CDH18: variants seen among roughly 807,000 people sequenced by gnomAD.
The protein encoded by CDH18 is cadherin-18.
A neutral mutation model predicts 67.9 loss-of-function variants in CDH18; 31 were observed. That is an observed-to-expected ratio of 0.46 (90% CI 0.34 to 0.62). CDH18 has a LOEUF of 0.62. Among genes scored for constraint, CDH18 ranks in the 20% least tolerant of loss-of-function variants. The probability of loss-of-function intolerance (pLI) is 0.01; values close to 1 mark genes in which losing one functional copy is unlikely to be tolerated. For synonymous variants in CDH18, 362 were observed against 347.2 expected (o/e 1.04, Z -0.48); for missense variants, 890 against 975.5 (o/e 0.91, Z 1.17).
At chr5:20,533,750 T>C (rs562177773) in intron 1 of CDH18, among the ~76,000 whole-genome samples, 1 of 152,198 alleles carries the variant, frequency 6.6e-6, no homozygotes, top group African/African-American at 2.4e-5. Flanking sequence ...ATAAACATCT[T>C]AATTTTATTC....
At chr5:19,661,164 A>G (rs1336084296) in intron 5 of CDH18, among the ~76,000 whole-genome samples, 1 of 152,050 alleles carries the variant, frequency 6.6e-6, no homozygotes, top group Non-Finnish European at 1.5e-5. Flanking sequence ...AGCTAATTAT[A>G]TTAGCACTTA....
intron 6 of CDH18, among the ~76,000 whole-genome samples, chr5:19,599,698 C>T (rs1276737553): frequency 2.0e-5 from 3 of 152,072 alleles, no homozygotes; most frequent in East Asian, 3.9e-4. Context: ...ATCAAGAGAT[C>T]GAGACCATCC....
intron 5 of CDH18, among the ~76,000 whole-genome samples, chr5:19,659,463 T>G (rs566139756): frequency 7.9e-5 from 12 of 152,290 alleles, no homozygotes; most frequent in African/African-American, 2.9e-4. Context: ...GTATGAGATG[T>G]GTCTGTATCT....
At chr5:20,022,758 G>C (rs1738541521) in intron 2 of CDH18, among the ~76,000 whole-genome samples, 1 of 152,078 alleles carries the variant, frequency 6.6e-6, no homozygotes, top group Non-Finnish European at 1.5e-5. Flanking sequence ...ATTATTTCTA[G>C]TCTATTAATG....
chr5:20,086,467 A>G (rs1744959227), intron 2 of CDH18, among the ~76,000 whole-genome samples: 1 of 152,210 alleles, frequency 6.6e-6, no homozygotes, highest in South Asian at 2.1e-4. Context: ...ACAGTCTTCC[A>G]TTGGAAGAAG....
intron 10 of CDH18, among the ~76,000 whole-genome samples, chr5:19,509,537 TCAA>T (rs746908612): frequency 3.1e-4 from 47 of 152,320 alleles, no homozygotes; most frequent in Non-Finnish European, 6.0e-4. Flanking sequence ...TTTGATAACA[TCAA>T]CTTTTGTTAT....
At chr5:20,279,589 C>T (rs1383297899) in intron 1 of CDH18, among the ~76,000 whole-genome samples, 1 of 146,726 alleles carries the variant, frequency 6.8e-6, no homozygotes, top group Non-Finnish European at 1.5e-5. Context: ...ATCCCAGCTA[C>T]TTGGGAGGCT....
chr5:19,991,918 T>A (rs1800001376), upstream of CDH18: 1 of 149,818 alleles, frequency 6.7e-6, no homozygotes, highest in Non-Finnish European at 1.5e-5. Context: ...CTCAGGAGGC[T>A]GAGGCAGGAG....
intron 3 of CDH18, among the ~76,000 whole-genome samples, chr5:19,798,851 G>A (rs1004017459): frequency 6.6e-6 from 1 of 151,804 alleles, no homozygotes; most frequent in African/African-American, 2.4e-5. Flanking sequence ...TGGAAATTAG[G>A]GAAATTGGGT....
At chr5:19,607,852 C>T (rs1203284309) in intron 6 of CDH18, among the ~76,000 whole-genome samples, 1 of 151,214 alleles carries the variant, frequency 6.6e-6, no homozygotes, top group Non-Finnish European at 1.5e-5. Flanking sequence ...AAAAAGAAAC[C>T]TCTGGAATAG....
intron 3 of CDH18, among the ~76,000 whole-genome samples, chr5:19,792,259 T>C (rs1776439820): frequency 6.6e-6 from 1 of 152,092 alleles, no homozygotes. Flanking sequence ...GGGTGAATTT[T>C]TTCTCTCTCT....
chr5:20,368,791 TG>T (rs2150081668), intron 1 of CDH18, among the ~76,000 whole-genome samples: 1 of 152,292 alleles, frequency 6.6e-6, no homozygotes, highest in Admixed American at 6.5e-5. Flanking sequence ...AGTCCTATCC[TG>T]GAAGCTGGCA....
intron 2 of CDH18, among the ~76,000 whole-genome samples, chr5:20,022,830 T>C (rs1371527268): frequency 1.3e-5 from 2 of 152,216 alleles, no homozygotes; most frequent in African/African-American, 4.8e-5. Flanking sequence ...GAATATGTAA[T>C]TGACTTGATT....
intron 2 of CDH18, among the ~76,000 whole-genome samples, chr5:20,250,589 C>CTTTTTTTTT (rs70954644): frequency 6.0e-5 from 2 of 33,568 alleles, no homozygotes; most frequent in Non-Finnish European, 9.5e-5. Context: ...CGGCCCATGG[C>CTTTTTTTTT]TTTTTTTTTT....
intron 2 of CDH18, among the ~76,000 whole-genome samples, chr5:19,968,138 C>A (rs373929747): frequency 1.3e-5 from 2 of 151,844 alleles, no homozygotes; most frequent in Non-Finnish European, 2.9e-5. Flanking sequence ...TTACAAGGGA[C>A]GTGAAGGACC....
chr5:20,046,179 G>T (rs888213461), intron 2 of CDH18, among the ~76,000 whole-genome samples: 1 of 151,844 alleles, frequency 6.6e-6, no homozygotes, highest in Non-Finnish European at 1.5e-5. Context: ...GTTAGATTCT[G>T]GAAATATTTT....
At chr5:19,893,615 C>A (rs1195008201) in intron 2 of CDH18, among the ~76,000 whole-genome samples, 3 of 149,818 alleles carry the variant, frequency 2.0e-5, no homozygotes, top group East Asian at 2.0e-4. Context: ...GATTATTTAG[C>A]CTCACATTAC....
At chr5:19,892,075 T>A (rs1284365171) in intron 2 of CDH18, among the ~76,000 whole-genome samples, 2 of 152,120 alleles carry the variant, frequency 1.3e-5, no homozygotes, top group Non-Finnish European at 2.9e-5. Flanking sequence ...GTGTCAGGGA[T>A]GATAAAAATG....
chr5:19,523,062 G>T (rs1747182974), intron 9 of CDH18, among the ~76,000 whole-genome samples: 1 of 151,860 alleles, frequency 6.6e-6, no homozygotes, highest in African/African-American at 2.4e-5. Context: ...GGTGATGATG[G>T]CATTACAGAT....
Sources: allele counts gnomAD v4.1 joint callset (sites outside exome capture counted in the v4.1 genomes callset), GRCh38; gene constraint gnomAD v4.1.1; transcripts MANE v1.5; gene names NCBI Gene and HGNC (gene_info 2026-07-23, HGNC 2026-07-21).